TAFA5: variants seen among roughly 807,000 people sequenced by gnomAD.
TAFA5 encodes the protein chemokine-like protein TAFA-5.
A neutral mutation model predicts 15.3 loss-of-function variants in TAFA5; 6 were observed. The ratio of observed to expected loss-of-function variants is 0.39; its 90% CI spans 0.21 to 0.77. TAFA5 has a LOEUF of 0.77. Among genes scored for constraint, TAFA5 ranks in the 30% least tolerant of loss-of-function variants. The pLI, the probability that TAFA5 is intolerant of heterozygous loss-of-function variation, is 0.41. For missense variants in TAFA5, 161 were observed against 193.1 expected, an observed-to-expected ratio of 0.83 and a Z score of 0.98; for synonymous variants, 103 against 80.7, an observed-to-expected ratio of 1.28 and a Z score of -1.48.
intron 2 of TAFA5, among the ~76,000 whole-genome samples, chr22:48,687,281 T>C (rs1470736135): frequency 6.7e-6 from 1 of 149,152 alleles, no homozygotes; most frequent in African/African-American, 2.5e-5. Flanking sequence ...GAATGGATGG[T>C]GGACGGATGG....
At chr22:48,735,142 A>G (rs1929972657) in intron 3 of TAFA5, among the ~76,000 whole-genome samples, 1 of 152,196 alleles carries the variant, frequency 6.6e-6, no homozygotes, top group African/African-American at 2.4e-5. Flanking sequence ...AGATGAGGAA[A>G]CGGAGGCACG....
chr22:48,505,938 C>T (rs546825902), intron 1 of TAFA5, among the ~76,000 whole-genome samples: 56 of 152,184 alleles, frequency 3.7e-4, no homozygotes, highest in Non-Finnish European at 6.3e-4. Flanking sequence ...TCCAAGGCCT[C>T]GGACCTACAG....
intron 3 of TAFA5, among the ~76,000 whole-genome samples, chr22:48,717,167 A>T (rs1929425817): frequency 6.6e-6 from 1 of 152,258 alleles, no homozygotes; most frequent in African/African-American, 2.4e-5. Context: ...CTCAGAGGGA[A>T]AAACCAGGTC....
chr22:48,643,846 G>A (rs1290225000), intron 1 of TAFA5, among the ~76,000 whole-genome samples: 1 of 152,246 alleles, frequency 6.6e-6, no homozygotes, highest in African/African-American at 2.4e-5. Context: ...TCAGAGGGAA[G>A]GGTCTGGGGT....
chr22:48,684,657 TC>T (rs1025979919), intron 2 of TAFA5, among the ~76,000 whole-genome samples: 2 of 152,146 alleles, frequency 1.3e-5, no homozygotes, highest in Non-Finnish European at 2.9e-5. Context: ...CTTCCCAGGA[TC>T]TTTGAGGTTG....
intron 3 of TAFA5, among the ~76,000 whole-genome samples, chr22:48,721,178 G>A (rs534458207): frequency 2.0e-5 from 3 of 152,344 alleles, no homozygotes; most frequent in East Asian, 3.9e-4. Flanking sequence ...CTAGGGGAAG[G>A]ATAGAGTCCC....
At chr22:48,664,199 C>G (rs974929559) in intron 2 of TAFA5, among the ~76,000 whole-genome samples, 2 of 152,192 alleles carry the variant, frequency 1.3e-5, no homozygotes, top group Admixed American at 1.3e-4. Context: ...GGGTTTGGTA[C>G]TCTCTGCCGT....
At chr22:48,720,370 A>G (rs1202538242) in intron 3 of TAFA5, among the ~76,000 whole-genome samples, 1 of 152,138 alleles carries the variant, frequency 6.6e-6, no homozygotes, top group African/African-American at 2.4e-5. Flanking sequence ...GAGATGAGAC[A>G]CGTGACCCAA....
intron 2 of TAFA5, among the ~76,000 whole-genome samples, chr22:48,662,405 A>C (rs2147215227): frequency 6.6e-6 from 1 of 152,304 alleles, no homozygotes; most frequent in Non-Finnish European, 1.5e-5. Flanking sequence ...CCATAAGTTC[A>C]GGGCAGCAAG....
chr22:48,625,398 T>G (rs1925993564), intron 1 of TAFA5, among the ~76,000 whole-genome samples: 1 of 152,176 alleles, frequency 6.6e-6, no homozygotes, highest in South Asian at 2.1e-4. Context: ...GTCGGTAAAC[T>G]CCCACTGCAA....
At chr22:48,505,355 C>T (rs1359234078) in intron 1 of TAFA5, among the ~76,000 whole-genome samples, 1 of 152,206 alleles carries the variant, frequency 6.6e-6, no homozygotes, top group Non-Finnish European at 1.5e-5. Flanking sequence ...CACAAAAGTC[C>T]ATGGCCACTG....
At chr22:48,501,867 G>A (rs1166151113) in intron 1 of TAFA5, among the ~76,000 whole-genome samples, 1 of 152,218 alleles carries the variant, frequency 6.6e-6, no homozygotes, top group Non-Finnish European at 1.5e-5. Flanking sequence ...GCTTACTGAC[G>A]TCCCCAGAAT....
At chr22:48,590,205 G>T (rs910706424) in intron 1 of TAFA5, among the ~76,000 whole-genome samples, 3 of 152,208 alleles carry the variant, frequency 2.0e-5, no homozygotes, top group African/African-American at 7.2e-5. Context: ...TGAGTTGGGG[G>T]TTAAAGAAGA....
intron 2 of TAFA5, among the ~76,000 whole-genome samples, chr22:48,686,997 ATGGT>A (rs918014295): frequency 2.1e-5 from 3 of 141,632 alleles, no homozygotes; most frequent in South Asian, 2.3e-4. Context: ...TAGATGATGG[ATGGT>A]TGGATGGTGG....
In TAFA5 at chr22:48,634,396, T is replaced by C. The variant is rs117038898; in HGVS notation, c.113-12201T>C. ...ACTCACTTATTCAGTCACGCACTCATTTATTCACTCATTCACTCCTTTACT... is the reference window on the plus strand; with the variant it reads ...ACTCACTTATTCAGTCACGCACTCACTTATTCACTCATTCACTCCTTTACT... On this transcript the variant is annotated intron_variant, in intron 1 of 3. Coordinates refer to ENST00000402357, the MANE Select transcript of TAFA5 (RefSeq NM_001082967.3). Among the ~76,000 whole-genome samples the C allele has an allele frequency of 9.5e-4, 145 of 152,204 alleles. No individual in the cohort carries two copies. In the East Asian group the frequency reaches 0.022, roughly 23 times the overall value.
intron 2 of TAFA5, among the ~76,000 whole-genome samples, chr22:48,672,463 A>T (rs1291617017): frequency 1.3e-5 from 2 of 152,236 alleles, no homozygotes; most frequent in Non-Finnish European, 2.9e-5. Flanking sequence ...CAGGGGAAAA[A>T]AAATGGGTGA....
At chr22:48,565,254 A>T (rs922652860) in intron 1 of TAFA5, among the ~76,000 whole-genome samples, 2 of 151,568 alleles carry the variant, frequency 1.3e-5, no homozygotes, top group African/African-American at 4.9e-5. Flanking sequence ...GAGAAGGCAC[A>T]GTAGGCGGGG....
intron 2 of TAFA5, among the ~76,000 whole-genome samples, chr22:48,652,868 C>T (rs1927104941): frequency 1.3e-5 from 2 of 152,068 alleles, no homozygotes; most frequent in Non-Finnish European, 2.9e-5. Flanking sequence ...AGGGAGATCC[C>T]AGCATTTCTG....
chr22:48,633,160 G>T (rs923799365), intron 1 of TAFA5, among the ~76,000 whole-genome samples: 4 of 152,190 alleles, frequency 2.6e-5, no homozygotes, highest in Non-Finnish European at 5.9e-5. Context: ...GCAAGGAGGA[G>T]GCTGGGCCTC....
Sources: allele counts gnomAD v4.1 joint callset (sites outside exome capture counted in the v4.1 genomes callset), GRCh38; gene constraint gnomAD v4.1.1; transcripts MANE v1.5; gene names NCBI Gene and HGNC (gene_info 2026-07-23, HGNC 2026-07-21).